COMMD10: variants seen among roughly 807,000 people sequenced by gnomAD.
The protein encoded by COMMD10 is COMM domain-containing protein 10.
In COMMD10, 33 loss-of-function variants were observed where a neutral mutation model predicts 28.9. The observed-to-expected ratio is 1.14, with a 90% CI of 0.87 to 1.53. The LOEUF is 1.53. Among genes scored for constraint, COMMD10 ranks in the 40% most tolerant of loss-of-function variants. COMMD10 has a pLI of 0.00. For missense variants in COMMD10, 310 were observed against 233.4 expected (o/e 1.33, Z -2.14); for synonymous variants, 110 against 81.7 (o/e 1.35, Z -1.87).
chr5:116,105,470 C>T (rs745888974), intron 4 of COMMD10, among the ~76,000 whole-genome samples: 4 of 152,092 alleles, frequency 2.6e-5, no homozygotes, highest in South Asian at 2.1e-4. Flanking sequence ...ATGTTGGCCT[C>T]GTAAAATGAA....
chr5:116,195,821 A>G (rs560027993), intron 5 of COMMD10, among the ~76,000 whole-genome samples: 32 of 152,330 alleles, frequency 2.1e-4, no homozygotes, highest in African/African-American at 7.5e-4. Flanking sequence ...TGGCCAACAA[A>G]CATATGAAAA....
intron 4 of COMMD10, among the ~76,000 whole-genome samples, chr5:116,105,265 GACTTGCATATCTTGA>G (rs1750800563): frequency 6.6e-6 from 1 of 152,126 alleles, no homozygotes; most frequent in Non-Finnish European, 1.5e-5. Context: ...TACTTTTATT[GACTTGCATATCTTGA>G]ACCAGCCTTG....
At chr5:116,096,775 A>C (rs6594938) in intron 4 of COMMD10, among the ~76,000 whole-genome samples, 2 of 151,316 alleles carry the variant, frequency 1.3e-5, no homozygotes, top group African/African-American at 4.9e-5. Flanking sequence ...TATTCTTACT[A>C]CTCTCAAGTG....
chr5:116,186,375 A>G (rs571660032), intron 5 of COMMD10, among the ~76,000 whole-genome samples: 19 of 152,176 alleles, frequency 1.2e-4, no homozygotes, highest in African/African-American at 4.6e-4. Context: ...TATTTGCACA[A>G]TTCTACCTCT....
intron 5 of COMMD10, among the ~76,000 whole-genome samples, chr5:116,243,672 G>T (rs1749869967): frequency 6.6e-6 from 1 of 152,112 alleles, no homozygotes; most frequent in African/African-American, 2.4e-5. Context: ...CTGGATTAAT[G>T]ATTCTATCTC....
intron 5 of COMMD10, among the ~76,000 whole-genome samples, chr5:116,268,403 A>AC (rs1229452832): frequency 6.6e-6 from 1 of 151,960 alleles, no homozygotes; most frequent in African/African-American, 2.4e-5. Flanking sequence ...ACAATGAGAT[A>AC]CCATCTCATA....
rs191932486 is a variant in COMMD10 at position 116,136,094 on chromosome 5, C to T, written c.510+1916C>T. Reference sequence around the variant, plus strand: ...TTTTGGCTAAAATAAAGAAATCAATCCATTTGTTTTAATTCAGAGCTCTCA... The same window carrying T: ...TTTTGGCTAAAATAAAGAAATCAATTCATTTGTTTTAATTCAGAGCTCTCA... On this transcript the variant is annotated intron_variant, in intron 5 of 6. Coordinates refer to ENST00000274458, the MANE Select transcript of COMMD10 (RefSeq NM_016144.4). Among the ~76,000 whole-genome samples, 82 of 152,226 alleles carry T rather than the reference C, an allele frequency of 5.4e-4. 1 individual carries two copies. Among genetic ancestry groups the T allele is most frequent in the Middle Eastern group, 6.8e-3 (2 of 294 alleles).
At position 116,118,279 on chromosome 5, in the gene COMMD10, A is replaced by G. The variant is rs77345750; in HGVS notation, c.400-15789A>G. ...ATATTTATTTTTTTTGTGGCCCACT[A>G]TATATTTTACTTATTTACTTTTTTG... On this transcript the variant is annotated intron_variant, in intron 4 of 6. Coordinates refer to ENST00000274458, the MANE Select transcript of COMMD10 (RefSeq NM_016144.4). Among the ~76,000 whole-genome samples, 1,213 of 151,962 alleles carry G rather than the reference A, an allele frequency of 8.0e-3. 16 individuals carry two copies. The highest frequency in any genetic ancestry group is 0.027 in the African/African-American group (1,118 of 41,480).
intron 5 of COMMD10, among the ~76,000 whole-genome samples, chr5:116,206,834 C>G (rs62384238): frequency 0.065 from 9,832 of 152,078 alleles, 433 homozygotes; most frequent in Admixed American, 0.12. Flanking sequence ...TATATTCCAG[C>G]CAGTGTGGGA....
At chr5:116,278,640 A>G (rs1750982399) in intron 5 of COMMD10, among the ~76,000 whole-genome samples, 1 of 151,866 alleles carries the variant, frequency 6.6e-6, no homozygotes, top group Non-Finnish European at 1.5e-5. Flanking sequence ...GCGCTCTCTT[A>G]TACGATTTTT....
At chr5:116,285,519 T>C (rs1268329941) in intron 5 of COMMD10, among the ~76,000 whole-genome samples, 3 of 151,940 alleles carry the variant, frequency 2.0e-5, no homozygotes, top group Non-Finnish European at 4.4e-5. Flanking sequence ...GTATTCCCCA[T>C]GGTCTTCTCT....
intron 4 of COMMD10, among the ~76,000 whole-genome samples, chr5:116,115,319 G>A (rs927932422): frequency 1.4e-4 from 22 of 152,104 alleles, no homozygotes; most frequent in Admixed American, 9.2e-4. Flanking sequence ...CTTCTCCCAC[G>A]TTGCAGACTC....
intron 5 of COMMD10, among the ~76,000 whole-genome samples, chr5:116,236,522 A>G (rs1749668727): frequency 2.0e-5 from 3 of 151,740 alleles, no homozygotes; most frequent in African/African-American, 2.4e-5. Flanking sequence ...AAAAAAAAAA[A>G]AAGAAGTGAT....
At chr5:116,112,878 A>C (rs1010214327) in intron 4 of COMMD10, among the ~76,000 whole-genome samples, 1 of 151,516 alleles carries the variant, frequency 6.6e-6, no homozygotes, top group Admixed American at 6.6e-5. Context: ...TAATGGTTTC[A>C]TTTGATTCTT....
chr5:116,218,516 G>GATGC lies in COMMD10; in HGVS notation c.511-73000_511-72997dup, dbSNP rs1372850594. ...AGTTTTTCCTCACACAATTTCTAAG[G>GATGC]ATGCTTCTTAATGACAGCAAAATGC... On this transcript the variant is annotated intron_variant, in intron 5 of 6. Transcript: ENST00000274458. 2.0e-5 allele frequency among the ~76,000 whole-genome samples: 3 copies of GATGC among 152,052 alleles called. No individual in the cohort carries two copies. The South Asian group carries it at 6.2e-4, about 31-fold the overall frequency.
intron 4 of COMMD10, among the ~76,000 whole-genome samples, chr5:116,109,996 T>C (rs1336072725): frequency 6.6e-6 from 1 of 152,212 alleles, no homozygotes; most frequent in Non-Finnish European, 1.5e-5. Flanking sequence ...AGTGTGATGT[T>C]GTCTGTGGGC....
chr5:116,147,252 G>A (rs796107783), intron 5 of COMMD10, among the ~76,000 whole-genome samples: 14 of 151,980 alleles, frequency 9.2e-5, no homozygotes, highest in African/African-American at 2.7e-4. Context: ...TATTCATAAA[G>A]CAGTGGGAAT....
intron 4 of COMMD10, among the ~76,000 whole-genome samples, chr5:116,106,805 C>CT (rs950875339): frequency 2.1e-4 from 32 of 151,872 alleles, no homozygotes; most frequent in African/African-American, 3.4e-4. Flanking sequence ...GCAACCCCTC[C>CT]TTTTTTTTGC....
At chr5:116,222,939 C>T (rs1221659018) in intron 5 of COMMD10, among the ~76,000 whole-genome samples, 1 of 152,140 alleles carries the variant, frequency 6.6e-6, no homozygotes, top group Non-Finnish European at 1.5e-5. Flanking sequence ...GATCCACCCA[C>T]CTCAGCCTCC....
Sources: gnomAD v4.1 joint callset for allele counts (sites outside exome capture counted in the v4.1 genomes callset) on GRCh38, gnomAD v4.1.1 for gene constraint, MANE v1.5 for transcripts, NCBI Gene and HGNC (gene_info 2026-07-23, HGNC 2026-07-21) for gene names.